LRWD1: variants seen among roughly 807,000 people sequenced by gnomAD.
The protein encoded by LRWD1 is leucine-rich repeat and WD repeat-containing protein 1.
Under a neutral mutation model 75.6 loss-of-function variants are expected in LRWD1, and 76 were observed. The observed-to-expected ratio is 1.01, with a 90% CI of 0.84 to 1.22. The LOEUF is 1.22. Among genes scored for constraint, LRWD1 ranks in the 50% most tolerant of loss-of-function variants. The pLI is 0.00. For synonymous variants in LRWD1, 487 were observed against 377.0 expected, an observed-to-expected ratio of 1.29 and a Z score of -3.38; for missense variants, 917 against 862.0, an observed-to-expected ratio of 1.06 and a Z score of -0.80.
At chr7:102,472,346 G>A (rs113354586) in intron 12 of LRWD1, 37 bp downstream of exon 12, 83 of 1,554,446 alleles carry the variant, frequency 5.3e-5, no homozygotes, top group Non-Finnish European at 5.7e-5. Context: ...CCTGGCCTCC[G>A]GGCACACAGA....
Position 102,468,075 on chromosome 7 carries a change from C to T in LRWD1, c.692C>T (p.Ala231Val). 1 of 1,608,664 alleles carries T rather than the reference C, an allele frequency of 6.2e-7. No individual in the cohort carries two copies. The highest frequency in any genetic ancestry group is 1.3e-5 in the African/African-American group (1 of 75,030). Residue 231 changes from alanine to valine, a missense_variant, in exon 6 of 15, where the codon GCC becomes GTC. Physicochemically the swap from Ala to Val is moderately conservative, Grantham distance 64. Transcript: ENST00000292616. ...AAHKPRARLA[A>V]LKRPDDVPLS... ...CCCCCTCCACAGGCCAGACTGGCGG[C>T]CTTGAAACGGCCAGACGACGTCCCA...
At position 102,468,258 on chromosome 7, in the gene LRWD1, C is replaced by G. The variant is rs77974347; in HGVS notation, c.805-5C>G. 223 of 1,605,522 alleles carry G rather than the reference C, an allele frequency of 1.4e-4. 1 individual carries two copies. The East Asian group carries it at 4.4e-3, about 32-fold the overall frequency. ...GGCAGCTGTGACCCTTCTCTCCCCC[C>G]ACAGCCTGCTGTGAAGCTGGAGCCC... On this transcript the variant is annotated splice_region_variant and splice_polypyrimidine_tract_variant and intron_variant, in intron 6 of 14. Transcript: ENST00000292616.
rs758151061 is a variant in LRWD1 at position 102,465,949 on chromosome 7, G to T, written c.213G>T (p.Leu71=). The change falls in exon 2 of 15, where the codon CTG becomes CTT. Residue 71 remains leucine (L), a synonymous_variant. Transcript: ENST00000292616. ...TLPDNLGLSH[L]RVLRCANNQL... ...CGGACAACCTGGGCCTGTCCCACCT[G>T]CGTGTCCTCCGCTGCGCCAACAACC... 3.1e-6 allele frequency: 5 copies of T among 1,613,750 alleles called. No homozygotes were observed. The Admixed American group carries it at 8.3e-5, about 27-fold the overall frequency.
In LRWD1 at chr7:102,473,094, T is replaced by G. The variant is rs774354135; in HGVS notation, c.*45T>G. 29 of 1,540,730 alleles carry G rather than the reference T, an allele frequency of 1.9e-5. No individual in the cohort carries two copies. Among genetic ancestry groups the G allele is most frequent in the Non-Finnish European group, 2.5e-5 (29 of 1,138,886 alleles). ...ACCAGGGACACAGCTAACTAACTTA[T>G]TCAGCTTTGGGCCGATGGGGGTGGG... On this transcript the variant is annotated 3_prime_UTR_variant, in exon 15 of 15. Coordinates refer to ENST00000292616, the MANE Select transcript of LRWD1 (RefSeq NM_152892.3).
intron 8 of LRWD1, 72 bp downstream of exon 8, chr7:102,468,726 T>A (rs1353616322): frequency 3.3e-6 from 5 of 1,529,796 alleles, no homozygotes; most frequent in East Asian, 4.9e-5. Flanking sequence ...TGGGGATGGA[T>A]GCAGGCTCGG....
rs200451942 is a variant in LRWD1, at chr7:102,467,335, C to G, written c.433-4C>G. On this transcript the variant is annotated splice_polypyrimidine_tract_variant and splice_region_variant and intron_variant, in intron 3 of 14. Transcript: ENST00000292616. ...GGGCCTGGATCTGGTCCCTCTTGCA[C>G]CAGGTCACAGCTCACTGGGAGAAGT... is the stretch of plus-strand genomic sequence containing the variant. 1.9e-5 allele frequency: 31 copies of G among 1,601,278 alleles called. No individual in the cohort carries two copies. Among genetic ancestry groups the G allele is most frequent in the Non-Finnish European group, 8.5e-7 (1 of 1,174,264 alleles).
chr7:102,465,038 C>A lies in LRWD1; in HGVS notation c.-43C>A, dbSNP rs986023913. On this transcript the variant is annotated 5_prime_UTR_variant, in exon 1 of 15. Coordinates refer to ENST00000292616, the MANE Select transcript of LRWD1 (RefSeq NM_152892.3). ...AGGAGACGCAGGGCGACGCCACACG[C>A]CGGGGTGGCCGACTGGGTCAGCGCG... The A allele has an allele frequency of 2.1e-6, 3 of 1,436,538 alleles. No homozygotes were observed. Among genetic ancestry groups the A allele is most frequent in the Non-Finnish European group, 2.7e-6 (3 of 1,092,910 alleles). The allele number at this position is 1,436,538 out of a possible 1,614,324, so 89.0% of individuals were successfully genotyped here.
intron 6 of LRWD1, 38 bp downstream of exon 6, chr7:102,468,225 C>T (rs561340893): frequency 1.4e-5 from 23 of 1,599,398 alleles, no homozygotes; most frequent in Middle Eastern, 1.7e-4. Context: ...GCAGATGAGT[C>T]GGGGCTGGGC....
rs1245223810 is a variant in LRWD1 at position 102,467,171 on chromosome 7, G to GGGGGGT, written c.433-167_433-166insGGGGTG. The stretch of plus-strand genomic sequence containing the variant: ...TGGGTTGTTGCTGGGGTGTGTGTGG[G>GGGGGGT]GTGTGTGTGTGTGTGTGTGTGTGTG... On this transcript the variant is annotated intron_variant, in intron 3 of 14. Transcript: ENST00000292616. 2.0e-5 allele frequency among the ~76,000 whole-genome samples: 2 copies of GGGGGGT among 99,116 alleles called. 1 individual carries two copies. The highest frequency in any genetic ancestry group is 8.8e-5 in the African/African-American group (2 of 22,752). 65.0% of individuals were successfully genotyped at this position (99,116 alleles called of 152,430 possible).
At chr7:102,466,299 T>C (rs1797973876) in intron 3 of LRWD1, 29 bp downstream of exon 3, 1 of 1,563,096 alleles carries the variant, frequency 6.4e-7, no homozygotes, top group Non-Finnish European at 8.8e-7. Flanking sequence ...TATTGTGTGC[T>C]TAGGAGCTGT....
rs1303510765 is a variant in LRWD1 at position 102,472,232 on chromosome 7, A to C, written c.1457A>C (p.Glu486Ala). 3.1e-6 allele frequency: 5 copies of C among 1,594,784 alleles called. No homozygotes were observed. Among genetic ancestry groups the C allele is most frequent in the Non-Finnish European group, 4.3e-6 (5 of 1,169,148 alleles). ...CTGCCCCACAGGGTGTGTGAAGTGG[A>C]ATTCGTCTTCTCTGAGGGCTCCGAG... is the stretch of plus-strand genomic sequence containing the variant. The part of the protein sequence containing the change: ...QPQKRRVCEV[E>A]FVFSEGSEAS... The change falls in exon 12 of 15, where the codon GAA (glutamate) becomes GCA (alanine). Residue 486 changes from glutamate to alanine, a missense_variant. Physicochemically the swap from Glu to Ala is moderately radical, Grantham distance 107. Coordinates refer to ENST00000292616, the MANE Select transcript of LRWD1 (RefSeq NM_152892.3).
At chr7:102,470,189 C>T (rs1373626215) in intron 11 of LRWD1, 1 of 361,014 alleles carries the variant, frequency 2.8e-6, no homozygotes, top group East Asian at 4.6e-5. Flanking sequence ...GTGTGATGGT[C>T]CTCTGTGCTG....
In LRWD1 at chr7:102,466,461, C is replaced by T. The variant is rs141056778; in HGVS notation, c.432+191C>T. ...ATGGAGTCTCACTCCGTCGCCCAGG[C>T]TGGAGTGCAGTGATGCGATCTTGGC... is the stretch of plus-strand genomic sequence containing the variant. On this transcript the variant is annotated intron_variant, in intron 3 of 14. Coordinates refer to ENST00000292616, the MANE Select transcript of LRWD1 (RefSeq NM_152892.3). Among the ~76,000 whole-genome samples, 19 of 152,278 alleles carry T rather than the reference C, an allele frequency of 1.2e-4. No individual in the cohort carries two copies. The East Asian group carries it at 3.5e-3, about 28-fold the overall frequency.
intron 3 of LRWD1, 127 bp from the exon 4 acceptor site, chr7:102,467,212 G>GTGTGTGTA: frequency 1.3e-6 from 1 of 763,982 alleles, no homozygotes; most frequent in Non-Finnish European, 2.1e-6. Flanking sequence ...GTGTGTGTGT[G>GTGTGTGTA]TGTTTTATGA....
intron 2 of LRWD1, 34 bp from the exon 3 acceptor site, chr7:102,466,120 C>G: frequency 6.2e-7 from 1 of 1,610,156 alleles, no homozygotes; most frequent in Non-Finnish European, 8.5e-7. Flanking sequence ...CTCAGCATCT[C>G]CTGAGCCACT....
intron 3 of LRWD1, among the ~76,000 whole-genome samples, 186 bp downstream of exon 3, chr7:102,466,456 C>G (rs552888615): frequency 6.6e-6 from 1 of 152,198 alleles, no homozygotes; most frequent in South Asian, 2.1e-4. Flanking sequence ...ACTCCGTCGC[C>G]CAGGCTGGAG....
chr7:102,472,677 CCT>C lies in LRWD1; in HGVS notation c.1691-12_1691-11del, dbSNP rs1404713252. 3 of 1,613,238 alleles carry C rather than the reference CCT, an allele frequency of 1.9e-6. No homozygotes were observed. The highest frequency in any genetic ancestry group is 2.5e-6 in the Non-Finnish European group (3 of 1,179,906). On this transcript the variant is annotated splice_polypyrimidine_tract_variant and intron_variant, in intron 13 of 14. Coordinates refer to ENST00000292616, the MANE Select transcript of LRWD1 (RefSeq NM_152892.3). ...GAGCTCTGCCCCCACTCAGACTCCA[CCT>C]CTGTCCCGGCAGATAAGGGGATTGT...
rs982077634 is a variant in LRWD1, at chr7:102,465,797, C to T, written c.81-20C>T. The T allele has an allele frequency of 2.5e-6, 4 of 1,600,182 alleles. No homozygotes were observed. The highest frequency in any genetic ancestry group is 1.7e-5 in the Admixed American group (1 of 59,926). ...GTGCAAAGCCTGCCCGCCCCCTAAG[C>T]CTTCTGCCCCCAACTCCAGCCTGTC... On this transcript the variant is annotated intron_variant, in intron 1 of 14. Transcript: ENST00000292616.
At position 102,468,050 on chromosome 7, in the gene LRWD1, C is replaced by T. The variant is rs756990326; in HGVS notation, c.679-12C>T. On this transcript the variant is annotated splice_polypyrimidine_tract_variant and intron_variant, in intron 5 of 14. Coordinates refer to ENST00000292616, the MANE Select transcript of LRWD1 (RefSeq NM_152892.3). ...GGCAGACAGGCCCATGGTCACAAGG[C>T]CCCCTCCACAGGCCAGACTGGCGGC... The T allele has an allele frequency of 8.1e-6, 13 of 1,604,444 alleles. No individual in the cohort carries two copies. The highest frequency in any genetic ancestry group is 5.3e-5 in the African/African-American group (4 of 74,892).
Sources: allele counts gnomAD v4.1 joint callset (sites outside exome capture counted in the v4.1 genomes callset), GRCh38; gene constraint gnomAD v4.1.1; transcripts MANE v1.5; gene names NCBI Gene and HGNC (gene_info 2026-07-23, HGNC 2026-07-21).